The following CYP2C19 variants were observed in gnomAD, a reference collection of about 807,000 sequenced individuals.
The protein encoded by CYP2C19 is cytochrome P450 2C19.
In CYP2C19, 59 loss-of-function variants were observed where a neutral mutation model predicts 40.9. The ratio of observed to expected loss-of-function variants is 1.44; its 90% CI spans 1.17 to 1.79. The LOEUF (loss-of-function observed/expected upper bound fraction) is 1.79. Among genes scored for constraint, CYP2C19 ranks in the 40% most tolerant of loss-of-function variants. CYP2C19 has a pLI of 0.00. For synonymous variants in CYP2C19, 253 were observed against 208.7 expected (o/e 1.21, Z -1.83); for missense variants, 754 against 596.9 (o/e 1.26, Z -2.74).
chr10:94,765,785 G>A (rs1848232543), intron 1 of CYP2C19, among the ~76,000 whole-genome samples: 1 of 152,088 alleles, frequency 6.6e-6, no homozygotes. Context: ...TCTGGATAGA[G>A]CTGTTTGAGT....
Position 94,801,191 on chromosome 10 carries a change from C to G in CYP2C19, c.819+19194C>G, listed in dbSNP as rs75995113. On this transcript the variant is annotated intron_variant, in intron 5 of 8. Transcript: ENST00000371321. ...TTCTTTTAAATGTCATGTTAGGATG[C>G]TGATTTTAGATCTTTCATGCTTTCT... 4.7e-4 allele frequency among the ~76,000 whole-genome samples: 72 copies of G among 152,282 alleles called. No individual in the cohort carries two copies. In the East Asian group the frequency reaches 9.6e-3, roughly 20 times the overall value.
At chr10:94,819,671 T>C (rs1401709133) in intron 5 of CYP2C19, among the ~76,000 whole-genome samples, 116 of 83,522 alleles carry the variant, frequency 1.4e-3, no homozygotes, top group African/African-American at 5.8e-3. Flanking sequence ...ACACATACAC[T>C]CTCCCAAGAC....
At chr10:94,769,744 T>A (rs1196630690) in intron 1 of CYP2C19, among the ~76,000 whole-genome samples, 1 of 152,036 alleles carries the variant, frequency 6.6e-6, no homozygotes, top group Admixed American at 6.5e-5. Context: ...GGAAAAGTGG[T>A]GGGGTCTTTT....
At chr10:94,836,039 G>C (rs1229514058) in intron 6 of CYP2C19, among the ~76,000 whole-genome samples, 1 of 152,182 alleles carries the variant, frequency 6.6e-6, no homozygotes, top group Non-Finnish European at 1.5e-5. Flanking sequence ...TGACAGTTAT[G>C]TTCTATCTTT....
intron 5 of CYP2C19, among the ~76,000 whole-genome samples, chr10:94,806,745 A>G (rs1848841883): frequency 6.7e-6 from 1 of 149,270 alleles, no homozygotes; most frequent in Admixed American, 6.7e-5. Flanking sequence ...GATATATTAT[A>G]AATTTATAAT....
chr10:94,776,560 G>T (rs537327781), intron 3 of CYP2C19: 201 of 152,206 alleles, frequency 1.3e-3, no homozygotes, highest in African/African-American at 4.7e-3. Flanking sequence ...TCAATGCCTT[G>T]CTATTCATTC....
chr10:94,846,262 T>A (rs1316570855), intron 7 of CYP2C19, among the ~76,000 whole-genome samples: 3 of 152,186 alleles, frequency 2.0e-5, no homozygotes, highest in African/African-American at 7.2e-5. Flanking sequence ...TTTAGTCATT[T>A]AAATTTTCTT....
intron 7 of CYP2C19, among the ~76,000 whole-genome samples, chr10:94,847,928 GTT>G (rs1213773112): frequency 6.6e-6 from 1 of 151,984 alleles, no homozygotes; most frequent in Non-Finnish European, 1.5e-5. Context: ...GCGGTTGTTT[GTT>G]TTTTTCTTGT....
chr10:94,764,713 G>A (rs1007905285), intron 1 of CYP2C19, among the ~76,000 whole-genome samples: 1 of 152,094 alleles, frequency 6.6e-6, no homozygotes, highest in East Asian at 1.9e-4. Context: ...TGTTAGTTGA[G>A]CTCATTTGGG....
intron 6 of CYP2C19, among the ~76,000 whole-genome samples, chr10:94,830,547 C>G (rs920024875): frequency 1.3e-5 from 2 of 152,162 alleles, no homozygotes; most frequent in Admixed American, 1.3e-4. Flanking sequence ...TGACCTGCGC[C>G]CACTGTCTGG....
intron 4 of CYP2C19, 151 bp downstream of exon 4, chr10:94,780,810 C>T: frequency 4.7e-6 from 4 of 848,136 alleles, no homozygotes; most frequent in Non-Finnish European, 7.3e-6. Context: ...GAAAAGATGG[C>T]AAAGTTCTTT....
At chr10:94,786,680 G>T (rs570256622) in intron 5 of CYP2C19, among the ~76,000 whole-genome samples, 1 of 152,124 alleles carries the variant, frequency 6.6e-6, no homozygotes, top group East Asian at 1.9e-4. Flanking sequence ...TTCAGCTCTT[G>T]CCTTTATATC....
At chr10:94,803,524 C>T (rs1019467271) in intron 5 of CYP2C19, among the ~76,000 whole-genome samples, 4 of 152,150 alleles carry the variant, frequency 2.6e-5, no homozygotes, top group African/African-American at 9.7e-5. Context: ...GGTCTGGGCT[C>T]CCTGCTCAGC....
intron 6 of CYP2C19, among the ~76,000 whole-genome samples, chr10:94,830,341 G>A (rs774737060): frequency 7.2e-5 from 11 of 152,062 alleles, no homozygotes; most frequent in Admixed American, 3.3e-4. Context: ...AGCCAGGTGC[G>A]GGATATAATC....
intron 6 of CYP2C19, among the ~76,000 whole-genome samples, chr10:94,828,000 CT>C (rs1321532172): frequency 6.6e-6 from 1 of 151,862 alleles, no homozygotes; most frequent in Non-Finnish European, 1.5e-5. Flanking sequence ...ATCCCGAGTT[CT>C]AGTTTGATTG....
chr10:94,843,608 A>G (rs1396295445), intron 7 of CYP2C19, among the ~76,000 whole-genome samples: 3 of 152,190 alleles, frequency 2.0e-5, no homozygotes, highest in Non-Finnish European at 4.4e-5. Context: ...CATTCTGATG[A>G]CCTTAATCTA....
chr10:94,833,941 G>A (rs1477008784), intron 6 of CYP2C19, among the ~76,000 whole-genome samples: 3 of 152,202 alleles, frequency 2.0e-5, no homozygotes, highest in Non-Finnish European at 4.4e-5. Context: ...TATTCATCAG[G>A]TGTATTGGCC....
At chr10:94,788,676 A>T (rs1456614039) in intron 5 of CYP2C19, among the ~76,000 whole-genome samples, 2 of 151,958 alleles carry the variant, frequency 1.3e-5, no homozygotes, top group Non-Finnish European at 2.9e-5. Context: ...AAGTATGTGA[A>T]CTCATCCTTT....
chr10:94,834,454 C>T (rs1849371672), intron 6 of CYP2C19, among the ~76,000 whole-genome samples: 1 of 151,754 alleles, frequency 6.6e-6, no homozygotes, highest in Non-Finnish European at 1.5e-5. Context: ...CTTTTTGTTG[C>T]ATTGACATTT....
Sources: allele counts gnomAD v4.1 joint callset (sites outside exome capture counted in the v4.1 genomes callset), GRCh38; gene constraint gnomAD v4.1.1; transcripts MANE v1.5; gene names NCBI Gene and HGNC (gene_info 2026-07-23, HGNC 2026-07-21).